Variants in RBM47 observed in about 807,000 individuals in gnomAD.
RBM47 encodes RNA-binding protein 47.
Under a neutral mutation model 47.1 loss-of-function variants are expected in RBM47, and 21 were observed. That is an observed-to-expected ratio of 0.45 (90% CI 0.32 to 0.64). RBM47 has a LOEUF of 0.64. Among genes scored for constraint, RBM47 ranks in the 30% least tolerant of loss-of-function variants. RBM47 has a pLI of 0.05. For missense variants in RBM47, 708 were observed against 870.9 expected (o/e 0.81, Z 2.35); for synonymous variants, 375 against 361.7 (o/e 1.04, Z -0.42).
At chr4:40,491,866 G>T in intron 2 of RBM47, 1 of 187,138 alleles carries the variant, frequency 5.3e-6, no homozygotes, top group South Asian at 1.3e-4. Flanking sequence ...CCAAGTGCAA[G>T]AGAAAGTGTA....
intron 3 of RBM47, among the ~76,000 whole-genome samples, chr4:40,452,948 G>A (rs550275707): frequency 4.0e-5 from 6 of 148,580 alleles, no homozygotes; most frequent in Admixed American, 1.4e-4. Flanking sequence ...GGTTCAAGCA[G>A]TTCTCCTGCC....
chr4:40,445,416 A>G (rs1421704627), intron 3 of RBM47, among the ~76,000 whole-genome samples: 1 of 152,208 alleles, frequency 6.6e-6, no homozygotes, highest in Non-Finnish European at 1.5e-5. Flanking sequence ...AGCTCCTGAC[A>G]CTTATATATT....
chr4:40,545,920 T>A (rs931746990), intron 1 of RBM47, among the ~76,000 whole-genome samples: 1 of 152,168 alleles, frequency 6.6e-6, no homozygotes, highest in Non-Finnish European at 1.5e-5. Flanking sequence ...ACAAGAGATA[T>A]GAAGCCTTTG....
intron 5 of RBM47, 107 bp from the exon 6 acceptor site, chr4:40,432,969 TC>T: frequency 6.9e-7 from 1 of 1,445,308 alleles, no homozygotes; most frequent in Non-Finnish European, 9.1e-7. Flanking sequence ...TAAAAACTTT[TC>T]TTTTTTTTGA....
chr4:40,562,536 G>T (rs1376246427), intron 1 of RBM47, among the ~76,000 whole-genome samples: 1 of 150,010 alleles, frequency 6.7e-6, no homozygotes, highest in Non-Finnish European at 1.5e-5. Context: ...TGCGACCTCG[G>T]CTCACTGCAA....
chr4:40,568,428 C>CAAAAAAAAAAAAAAAA (rs35434439), intron 1 of RBM47, among the ~76,000 whole-genome samples: 1 of 57,574 alleles, frequency 1.7e-5, no homozygotes, highest in Non-Finnish European at 3.3e-5. Flanking sequence ...AACCCTGTCT[C>CAAAAAAAAAAAAAAAA]AAAAAAAAAA....
intron 2 of RBM47, among the ~76,000 whole-genome samples, chr4:40,478,043 T>C (rs1462227293): frequency 7.8e-6 from 1 of 128,822 alleles, no homozygotes; most frequent in African/African-American, 3.2e-5. Flanking sequence ...GAGACAGAGT[T>C]TTGCTCTTAT....
At chr4:40,563,848 A>T (rs1335223360) in intron 1 of RBM47, among the ~76,000 whole-genome samples, 1 of 152,228 alleles carries the variant, frequency 6.6e-6, no homozygotes, top group East Asian at 1.9e-4. Context: ...TGCCCAATGT[A>T]TTTGAAAGTT....
chr4:40,566,201 T>C (rs1203002762), intron 1 of RBM47, among the ~76,000 whole-genome samples: 1 of 152,192 alleles, frequency 6.6e-6, no homozygotes, highest in African/African-American at 2.4e-5. Flanking sequence ...GGAGAACTGC[T>C]TCAGGAATAA....
Position 40,444,812 on chromosome 4 carries a change from G to A in RBM47, c.-31-5888C>T, listed in dbSNP as rs577720311. ...CCTGAGTAGCTGGTATTACAGGTGC[G>A]TACCATCATGTCCGGTTAATTTTTG... On this transcript the variant is annotated intron_variant, in intron 3 of 6. Coordinates refer to ENST00000295971, the MANE Select transcript of RBM47 (RefSeq NM_001098634.2). 3.7e-3 allele frequency among the ~76,000 whole-genome samples: 565 copies of A among 151,764 alleles called. 1 individual carries two copies. The highest frequency in any genetic ancestry group is 6.2e-3 in the Non-Finnish European group (421 of 67,918).
At chr4:40,502,773 G>A (rs938235418) in intron 2 of RBM47, among the ~76,000 whole-genome samples, 2 of 152,130 alleles carry the variant, frequency 1.3e-5, no homozygotes, top group Admixed American at 1.3e-4. Context: ...TTGAGCCCAG[G>A]AGGTTGAGGC....
chr4:40,601,031 A>G (rs1029923055), intron 1 of RBM47, among the ~76,000 whole-genome samples: 1 of 151,820 alleles, frequency 6.6e-6, no homozygotes, highest in Non-Finnish European at 1.5e-5. Flanking sequence ...AGATCTTCCT[A>G]GTAAGCCTTT....
chr4:40,460,000 C>T (rs1716865291), intron 3 of RBM47, among the ~76,000 whole-genome samples: 1 of 152,202 alleles, frequency 6.6e-6, no homozygotes, highest in South Asian at 2.1e-4. Flanking sequence ...AGGTGATCCA[C>T]CCGCCTCGGC....
chr4:40,451,956 G>T (rs1439155309), intron 3 of RBM47, among the ~76,000 whole-genome samples: 1 of 152,222 alleles, frequency 6.6e-6, no homozygotes, highest in Non-Finnish European at 1.5e-5. Flanking sequence ...GATTGCCTGA[G>T]GTCAGGAGTT....
intron 3 of RBM47, among the ~76,000 whole-genome samples, chr4:40,443,172 G>C (rs1713928369): frequency 6.6e-6 from 1 of 152,124 alleles, no homozygotes; most frequent in Non-Finnish European, 1.5e-5. Flanking sequence ...GAGGAGTGGG[G>C]AATTAGTGCT....
At chr4:40,569,972 A>T (rs747568498) in intron 1 of RBM47, among the ~76,000 whole-genome samples, 10 of 152,060 alleles carry the variant, frequency 6.6e-5, no homozygotes, top group Non-Finnish European at 1.5e-4. Context: ...TTGGCCTCCC[A>T]AAGTGCTGGG....
chr4:40,586,839 T>C (rs1406538951), intron 1 of RBM47, among the ~76,000 whole-genome samples: 4 of 151,692 alleles, frequency 2.6e-5, no homozygotes, highest in South Asian at 4.2e-4. Context: ...TCACAGTGGG[T>C]CAATCCAAGA....
chr4:40,607,677 A>G (rs920555488), intron 1 of RBM47, among the ~76,000 whole-genome samples: 2 of 152,234 alleles, frequency 1.3e-5, no homozygotes, highest in African/African-American at 2.4e-5. Context: ...ACTGCACTCT[A>G]GCCTGGGCCA....
chr4:40,450,096 A>G (rs919940486), intron 3 of RBM47, among the ~76,000 whole-genome samples: 3 of 152,178 alleles, frequency 2.0e-5, no homozygotes, highest in African/African-American at 4.8e-5. Context: ...TCCCGGGCCA[A>G]CGTTTTTCCA....
Sources: gnomAD v4.1 joint callset for allele counts (sites outside exome capture counted in the v4.1 genomes callset) on GRCh38, gnomAD v4.1.1 for gene constraint, MANE v1.5 for transcripts, NCBI Gene and HGNC (gene_info 2026-07-23, HGNC 2026-07-21) for gene names.